Variants in SEC14L6 observed in about 807,000 individuals in gnomAD.
SEC14L6 encodes SEC14 like lipid binding 6.
Under a neutral mutation model 54.1 loss-of-function variants are expected in SEC14L6, and 40 were observed. The ratio of observed to expected loss-of-function variants is 0.74; its 90% CI spans 0.57 to 0.96. The LOEUF (loss-of-function observed/expected upper bound fraction) is 0.96. Among genes scored for constraint, SEC14L6 ranks in the 40% least tolerant of loss-of-function variants. The pLI is 0.00. For synonymous variants in SEC14L6, 171 were observed against 198.4 expected, an observed-to-expected ratio of 0.86 and a Z score of 1.16; for missense variants, 471 against 498.3, an observed-to-expected ratio of 0.95 and a Z score of 0.52.
intron 1 of SEC14L6, among the ~76,000 whole-genome samples, chr22:30,545,095 G>A (rs1164435536): frequency 6.6e-6 from 1 of 152,080 alleles, no homozygotes; most frequent in Non-Finnish European, 1.5e-5. Flanking sequence ...CCATGCTCAT[G>A]GAACCGTGTG....
intron 1 of SEC14L6, among the ~76,000 whole-genome samples, chr22:30,541,394 C>G (rs1414204801): frequency 6.6e-6 from 1 of 152,176 alleles, no homozygotes; most frequent in African/African-American, 2.4e-5. Context: ...AGGAGTGGCT[C>G]ACGCCTGTAA....
At chr22:30,530,054 A>G (rs1025848975) in intron 6 of SEC14L6, among the ~76,000 whole-genome samples, 5 of 152,298 alleles carry the variant, frequency 3.3e-5, no homozygotes, top group Admixed American at 2.0e-4. Context: ...ATGAGTCCCA[A>G]TAGGCCCCAT....
chr22:30,526,239 C>T (rs922212184), intron 8 of SEC14L6, among the ~76,000 whole-genome samples: 6 of 152,332 alleles, frequency 3.9e-5, no homozygotes, highest in African/African-American at 1.2e-4. Flanking sequence ...CATAGGAACT[C>T]GGACCAGCAA....
intron 2 of SEC14L6, among the ~76,000 whole-genome samples, chr22:30,535,249 A>G (rs1937107011): frequency 6.6e-6 from 1 of 152,198 alleles, no homozygotes. Flanking sequence ...CAGGCTGTCA[A>G]AGCAGTCCTC....
intron 1 of SEC14L6, among the ~76,000 whole-genome samples, chr22:30,540,887 C>T (rs1601900495): frequency 6.6e-6 from 1 of 151,750 alleles, no homozygotes; most frequent in Non-Finnish European, 1.5e-5. Context: ...GGCGTGGTGG[C>T]AGGCGCCTGT....
At chr22:30,544,762 A>T (rs957766787) in intron 1 of SEC14L6, among the ~76,000 whole-genome samples, 1 of 152,068 alleles carries the variant, frequency 6.6e-6, no homozygotes, top group African/African-American at 2.4e-5. Flanking sequence ...ACCCGGACGC[A>T]TCTCTCCCTT....
intron 1 of SEC14L6, among the ~76,000 whole-genome samples, chr22:30,539,492 T>C (rs112392932): frequency 9.2e-5 from 14 of 152,300 alleles, no homozygotes; most frequent in African/African-American, 2.6e-4. Flanking sequence ...CCCTCTTTAG[T>C]GCCCTGATCT....
intron 1 of SEC14L6, among the ~76,000 whole-genome samples, chr22:30,545,944 C>A (rs989536918): frequency 2.0e-5 from 3 of 151,980 alleles, no homozygotes; most frequent in African/African-American, 7.2e-5. Context: ...GATTCTCCTG[C>A]CACAGGGTTT....
chr22:30,540,304 T>C (rs1274326117), intron 1 of SEC14L6, among the ~76,000 whole-genome samples: 1 of 152,044 alleles, frequency 6.6e-6, no homozygotes, highest in Non-Finnish European at 1.5e-5. Flanking sequence ...TTTAAGAGGG[T>C]TATCTCAGGT....
intron 1 of SEC14L6, among the ~76,000 whole-genome samples, chr22:30,545,420 G>C (rs2085788559): frequency 6.6e-6 from 1 of 151,690 alleles, no homozygotes; most frequent in East Asian, 1.9e-4. Context: ...TTTGAAACAG[G>C]GTCTAGCTCT....
intron 1 of SEC14L6, chr22:30,543,159 C>T (rs572792806): frequency 1.2e-6 from 2 of 1,603,818 alleles, no homozygotes; most frequent in East Asian, 2.2e-5. Context: ...TCCAGACCAA[C>T]GTGGACCCCG....
chr22:30,546,460 T>C (rs1455457361), intron 1 of SEC14L6, among the ~76,000 whole-genome samples, 169 bp downstream of exon 1: 1 of 149,234 alleles, frequency 6.7e-6, no homozygotes, highest in Non-Finnish European at 1.5e-5. Context: ...GGTGGCGTGG[T>C]ATTTCTATTG....
At chr22:30,526,529 C>T (rs11705147) in intron 8 of SEC14L6, among the ~76,000 whole-genome samples, 124 of 152,180 alleles carry the variant, frequency 8.1e-4, no homozygotes, top group Admixed American at 1.4e-3. Context: ...AGCATGAAAG[C>T]GGTGGAAAAA....
Position 30,546,307 on chromosome 22 carries a change from C to T in SEC14L6, c.54+322G>A, listed in dbSNP as rs146883899. Reference sequence around the variant, plus strand: ...CTAGGGCAGGAGAATTGCTTGAACCCAGAAGGCAGAAGTTGCAGTGAGCCA... The same window carrying T: ...CTAGGGCAGGAGAATTGCTTGAACCTAGAAGGCAGAAGTTGCAGTGAGCCA... On this transcript the variant is annotated intron_variant, in intron 1 of 11. Transcript: ENST00000402034. Among the ~76,000 whole-genome samples the T allele has an allele frequency of 9.4e-3, 1,367 of 145,804 alleles. 15 individuals are homozygous for T. Among genetic ancestry groups the T allele is most frequent in the Middle Eastern group, 0.039 (10 of 258 alleles).
chr22:30,529,512 C>T (rs1354673444), intron 6 of SEC14L6, among the ~76,000 whole-genome samples, 163 bp from the exon 7 acceptor site: 4 of 152,208 alleles, frequency 2.6e-5, no homozygotes, highest in Non-Finnish European at 5.9e-5. Flanking sequence ...CAAGAACCCA[C>T]CCAGACACAG....
In SEC14L6 at chr22:30,523,568, G is replaced by A. The variant is rs1936674669; in HGVS notation, c.*1429C>T. On this transcript the variant is annotated 3_prime_UTR_variant, in exon 12 of 12. Coordinates refer to ENST00000402034, the MANE Select transcript of SEC14L6 (RefSeq NM_001193336.4). ...AGACGGGGTTTCGCCATGTTGTCCA[G>A]GCTGGTCTCAAACTCCTGGCCTCGA... 6.6e-6 allele frequency: 1 copy of A among 152,202 alleles called. No individual in the cohort carries two copies. The highest frequency in any genetic ancestry group is 1.5e-5 in the Non-Finnish European group (1 of 68,088). The allele number at this position is 152,202 out of a possible 1,614,324, so 9.4% of individuals were successfully genotyped here.
At chr22:30,545,472 G>A (rs935336946) in intron 1 of SEC14L6, among the ~76,000 whole-genome samples, 7 of 151,562 alleles carry the variant, frequency 4.6e-5, no homozygotes, top group Non-Finnish European at 7.4e-5. Flanking sequence ...TTGGCTCACC[G>A]CAGTCTCGAC....
intron 11 of SEC14L6, 86 bp from the exon 12 acceptor site, chr22:30,525,195 A>G (rs1461161025): frequency 4.7e-6 from 6 of 1,270,744 alleles, no homozygotes; most frequent in Non-Finnish European, 5.6e-6. Flanking sequence ...GGGTACCCAG[A>G]CCAGGGAACC....
At chr22:30,532,972 C>A (rs1244276188) in intron 3 of SEC14L6, 116 bp from the exon 4 acceptor site, 1 of 1,511,958 alleles carries the variant, frequency 6.6e-7, no homozygotes, top group Non-Finnish European at 8.9e-7. Flanking sequence ...CCTGCCAGAG[C>A]ATCCCCAGGC....
Sources: allele counts gnomAD v4.1 joint callset (sites outside exome capture counted in the v4.1 genomes callset), GRCh38; gene constraint gnomAD v4.1.1; transcripts MANE v1.5; gene names NCBI Gene and HGNC (gene_info 2026-07-23, HGNC 2026-07-21).